KCNIP4: variants seen among roughly 807,000 people sequenced by gnomAD.
The protein encoded by KCNIP4 is Kv channel-interacting protein 4.
KCNIP4 carries 12 observed loss-of-function variants against 34.0 expected under a neutral mutation model. That is an observed-to-expected ratio of 0.35 (90% CI 0.23 to 0.57). KCNIP4 has a LOEUF of 0.57. Among genes scored for constraint, KCNIP4 ranks in the 20% least tolerant of loss-of-function variants. The probability of loss-of-function intolerance (pLI) is 0.83; values close to 1 mark genes in which losing one functional copy is unlikely to be tolerated. For synonymous variants in KCNIP4, 124 were observed against 102.2 expected (o/e 1.21, Z -1.29); for missense variants, 238 against 311.7 (o/e 0.76, Z 1.78).
At chr4:21,948,360 T>C (rs1374016310) in intron 1 of KCNIP4, among the ~76,000 whole-genome samples, 1 of 151,958 alleles carries the variant, frequency 6.6e-6, no homozygotes, top group Non-Finnish European at 1.5e-5. Flanking sequence ...CATCTTTTCT[T>C]CCCCGACCTG....
intron 1 of KCNIP4, among the ~76,000 whole-genome samples, chr4:21,463,394 T>C (rs1271893388): frequency 6.6e-6 from 1 of 152,060 alleles, no homozygotes; most frequent in Non-Finnish European, 1.5e-5. Context: ...GTTGTTTGAG[T>C]TCTCTTTTCT....
chr4:20,850,063 T>C (rs1371730936), intron 3 of KCNIP4, among the ~76,000 whole-genome samples: 1 of 152,212 alleles, frequency 6.6e-6, no homozygotes, highest in Non-Finnish European at 1.5e-5. Flanking sequence ...GAGAACCAGG[T>C]ACAGTGATGA....
intron 1 of KCNIP4, among the ~76,000 whole-genome samples, chr4:20,946,989 G>T (rs1732256295): frequency 6.6e-6 from 1 of 152,144 alleles, no homozygotes; most frequent in Non-Finnish European, 1.5e-5. Context: ...TACTGCATAA[G>T]TGATGCTGCC....
intron 1 of KCNIP4, among the ~76,000 whole-genome samples, chr4:21,305,930 G>T (rs1407630463): frequency 1.3e-5 from 2 of 152,160 alleles, no homozygotes; most frequent in Admixed American, 1.3e-4. Context: ...AGCCATATGG[G>T]TATACATTCT....
intron 1 of KCNIP4, among the ~76,000 whole-genome samples, chr4:20,887,442 C>T (rs1335864019): frequency 6.6e-6 from 1 of 151,380 alleles, no homozygotes; most frequent in East Asian, 1.9e-4. Context: ...AAGAATCACA[C>T]ATAGCTGTAG....
chr4:20,988,415 C>G (rs1736787265), intron 1 of KCNIP4, among the ~76,000 whole-genome samples: 2 of 152,178 alleles, frequency 1.3e-5, no homozygotes, highest in African/African-American at 4.8e-5. Context: ...CATTGTGATC[C>G]TTTAAATAAT....
chr4:21,697,750 C>A (rs1033376402), intron 1 of KCNIP4: 1 of 958,960 alleles, frequency 1.0e-6, no homozygotes, highest in Non-Finnish European at 1.3e-6. Flanking sequence ...TGGTTCGGCT[C>A]GGCATCCCCT....
At chr4:21,370,274 C>T (rs1720208601) in intron 1 of KCNIP4, among the ~76,000 whole-genome samples, 1 of 147,140 alleles carries the variant, frequency 6.8e-6, no homozygotes, top group Non-Finnish European at 1.5e-5. Flanking sequence ...ATAAATCAAA[C>T]TATGTGGCCC....
chr4:21,524,480 A>G (rs908340956), intron 1 of KCNIP4, among the ~76,000 whole-genome samples: 5 of 152,168 alleles, frequency 3.3e-5, no homozygotes, highest in African/African-American at 9.7e-5. Context: ...TGCAATAGCC[A>G]CTATGACTTT....
At chr4:20,775,023 C>T (rs1175956891) in intron 3 of KCNIP4, among the ~76,000 whole-genome samples, 1 of 152,126 alleles carries the variant, frequency 6.6e-6, no homozygotes, top group Non-Finnish European at 1.5e-5. Flanking sequence ...TTTACTCTAC[C>T]AGAGTTGAAT....
chr4:21,427,844 T>C (rs547643904), intron 1 of KCNIP4, among the ~76,000 whole-genome samples: 61 of 152,170 alleles, frequency 4.0e-4, no homozygotes, highest in African/African-American at 1.4e-3. Flanking sequence ...CCAGAAACCA[T>C]CATAGCCAAC....
chr4:21,730,612 G>A (rs956291809), intron 1 of KCNIP4, among the ~76,000 whole-genome samples: 1 of 152,038 alleles, frequency 6.6e-6, no homozygotes, highest in Non-Finnish European at 1.5e-5. Context: ...GTTTCATGAG[G>A]GAAAAAAATT....
chr4:21,252,125 TTTTG>T (rs1208574587), intron 1 of KCNIP4, among the ~76,000 whole-genome samples: 59 of 107,652 alleles, frequency 5.5e-4, no homozygotes, highest in African/African-American at 2.4e-3. Context: ...ATGAATGAGG[TTTTG>T]TTTTTTTTTT....
At chr4:21,923,697 T>C (rs2108998538) in intron 1 of KCNIP4, among the ~76,000 whole-genome samples, 1 of 152,332 alleles carries the variant, frequency 6.6e-6, no homozygotes, top group East Asian at 1.9e-4. Context: ...CCAGCCACTC[T>C]AGCCCACCGT....
intron 1 of KCNIP4, among the ~76,000 whole-genome samples, chr4:21,569,665 T>C (rs1448221100): frequency 2.0e-5 from 3 of 152,134 alleles, no homozygotes; most frequent in Non-Finnish European, 4.4e-5. Context: ...TCTGGTGTTT[T>C]AGACAAAGTC....
chr4:21,433,637 C>A lies in KCNIP4; in HGVS notation c.61+514934G>T, dbSNP rs562491494. Among the ~76,000 whole-genome samples, 3 of 152,244 alleles carry A rather than the reference C, an allele frequency of 2.0e-5. No individual in the cohort carries two copies. The South Asian group carries it at 6.2e-4, about 32-fold the overall frequency. ...TTATTGTGGCTATAGCTGACTGATACACATACTCCTAGGTGTCAGTAATTG... is the reference window on the plus strand; with the variant it reads ...TTATTGTGGCTATAGCTGACTGATAAACATACTCCTAGGTGTCAGTAATTG... On this transcript the variant is annotated intron_variant, in intron 1 of 8. Coordinates refer to ENST00000382152, the MANE Select transcript of KCNIP4 (RefSeq NM_025221.6).
At chr4:21,794,327 A>G (rs1720494156) in intron 1 of KCNIP4, among the ~76,000 whole-genome samples, 2 of 152,208 alleles carry the variant, frequency 1.3e-5, no homozygotes, top group Admixed American at 6.5e-5. Context: ...TGATTGGATC[A>G]TCTCAGATTT....
intron 1 of KCNIP4, among the ~76,000 whole-genome samples, chr4:20,900,404 T>C (rs1727038456): frequency 6.6e-6 from 1 of 152,236 alleles, no homozygotes; most frequent in African/African-American, 2.4e-5. Flanking sequence ...CTATGTTTCA[T>C]TCACCTTTGT....
chr4:21,378,146 C>G (rs1208202357), intron 1 of KCNIP4, among the ~76,000 whole-genome samples: 1 of 152,146 alleles, frequency 6.6e-6, no homozygotes, highest in African/African-American at 2.4e-5. Context: ...GTCTCTCAGT[C>G]AATCATCAAG....
Sources: gnomAD v4.1 joint callset for allele counts (sites outside exome capture counted in the v4.1 genomes callset) on GRCh38, gnomAD v4.1.1 for gene constraint, MANE v1.5 for transcripts, NCBI Gene and HGNC (gene_info 2026-07-23, HGNC 2026-07-21) for gene names.